Variants in CHD8 observed in about 807,000 individuals in gnomAD.
CHD8 encodes the protein chromodomain helicase DNA binding protein 8, also known as ATP-dependent chromatin remodeler CHD8.
A neutral mutation model predicts 279.2 loss-of-function variants in CHD8; 31 were observed. The observed-to-expected ratio is 0.11, with a 90% CI of 0.08 to 0.15. CHD8 has a LOEUF of 0.15. CHD8 is among the 10% of genes least tolerant of loss of function. The pLI, the probability that CHD8 is intolerant of heterozygous loss-of-function variation, is 1.00. For synonymous variants in CHD8, 1,081 were observed against 1,139.6 expected, an observed-to-expected ratio of 0.95 and a Z score of 1.04; for missense variants, 2,146 against 3,230.5, an observed-to-expected ratio of 0.66 and a Z score of 8.14.
rs34063784 is a variant in CHD8 at position 21,387,809 on chromosome 14, C to CAA, written c.7183-1635_7183-1634dup. The stretch of plus-strand genomic sequence containing the variant: ...TTACAGAACGAGACTCTGTCTCAAG[C>CAA]AAAAAAAAAAAAAAAAAAAAGAATT... On this transcript the variant is annotated intron_variant, in intron 37 of 37. Coordinates refer to ENST00000646647, the MANE Select transcript of CHD8 (RefSeq NM_001170629.2). Among the ~76,000 whole-genome samples, 312 of 76,132 alleles carry CAA rather than the reference C, an allele frequency of 4.1e-3. 5 individuals carry two copies. The highest frequency in any genetic ancestry group is 0.014 in the African/African-American group (293 of 20,798). 49.9% of individuals were successfully genotyped at this position (76,132 alleles called of 152,430 possible). A position where few individuals can be genotyped will look rare whatever the true frequency, so the allele number is the denominator to read the frequency against.
At chr14:21,452,606 T>C (rs1402389478) in intron 1 of CHD8, among the ~76,000 whole-genome samples, 1 of 151,708 alleles carries the variant, frequency 6.6e-6, no homozygotes, top group Non-Finnish European at 1.5e-5. Flanking sequence ...ATCGCGCCAC[T>C]GCGCTCCAGC....
Position 21,401,996 on chromosome 14 carries a change from G to A in CHD8, c.4023C>T (p.Ile1341=). The A allele has an allele frequency of 6.2e-7, 1 of 1,613,500 alleles. No individual in the cohort carries two copies. The highest frequency in any genetic ancestry group is 8.5e-7 in the Non-Finnish European group (1 of 1,179,770). ...AACCTTTTCCTTCAGATTCAATGGT[G>A]ATGGTTGTAGTTCGTCTTAACAAGA... ...DQILLRRTTT[I]TIESEGKGST... Residue 1341 remains isoleucine (I), a synonymous_variant, in exon 20 of 38, where the codon ATC becomes ATT. Coordinates refer to ENST00000646647, the MANE Select transcript of CHD8 (RefSeq NM_001170629.2).
At chr14:21,406,010 A>C in intron 14 of CHD8, 146 bp from the exon 15 acceptor site, 1 of 546,680 alleles carries the variant, frequency 1.8e-6, no homozygotes, top group East Asian at 3.3e-5. Context: ...CTGGTCCATT[A>C]ATTTTTCTTC....
intron 1 of CHD8, 66 bp from the exon 2 acceptor site, chr14:21,431,924 C>G: frequency 9.9e-7 from 1 of 1,010,288 alleles, no homozygotes; most frequent in Non-Finnish European, 1.6e-6. Flanking sequence ...AAAATTTTCC[C>G]TTCTTACGTA....
intron 26 of CHD8, chr14:21,399,043 A>T (rs1164316600): frequency 2.5e-6 from 1 of 394,628 alleles, no homozygotes; most frequent in Non-Finnish European, 5.1e-6. Flanking sequence ...CCACCTGACC[A>T]GCAGCATCTG....
rs892976817 is a variant in CHD8 at position 21,403,963 on chromosome 14, G to A, written c.3308-300C>T. ...ACAATACAAAAATTAGCCAGGTGTG[G>A]TGGCGGAGGCCTGTAGTTCCAGCTA... On this transcript the variant is annotated intron_variant, in intron 16 of 37. Transcript: ENST00000646647. The surrounding 1 kb of genome is among the most constrained non-coding windows in gnomAD (Gnocchi z 4.3). 5.3e-5 allele frequency among the ~76,000 whole-genome samples: 8 copies of A among 152,112 alleles called. No individual in the cohort carries two copies. The highest frequency in any genetic ancestry group is 3.9e-4 in the Admixed American group (6 of 15,268).
At chr14:21,393,041 C>A in intron 33 of CHD8, 65 bp downstream of exon 33, 1 of 1,512,684 alleles carries the variant, frequency 6.6e-7, no homozygotes, top group South Asian at 1.2e-5. Context: ...GTTCCTTTTT[C>A]CCCGGATATA....
Position 21,408,468 on chromosome 14 carries a change from G to C in CHD8, c.2574C>G (p.Ile858Met). The C allele has an allele frequency of 1.2e-6, 2 of 1,613,898 alleles. No individual in the cohort carries two copies. Among genetic ancestry groups the C allele is most frequent in the Non-Finnish European group, 1.7e-6 (2 of 1,179,870 alleles). ...AFLQEVYNVG[I>M]HGPFLVIAPL... Reference sequence around the variant, plus strand: ...GGGCAATGACCAAGAAGGGACCATGGATGCCCACATTATATACTTCCTGCA... The same window carrying C: ...GGGCAATGACCAAGAAGGGACCATGCATGCCCACATTATATACTTCCTGCA... The change falls in exon 13 of 38, where the codon ATC becomes ATG. Residue 858 changes from isoleucine (I) to methionine (M), a missense_variant. Ile to Met is a conservative substitution (Grantham distance 10, BLOSUM62 1). This residue lies in a region of CHD8 where 211 missense variants were observed against 464.7 expected (regional missense o/e 0.45). Coordinates refer to ENST00000646647, the MANE Select transcript of CHD8 (RefSeq NM_001170629.2). The surrounding 1 kb of genome is among the most constrained non-coding windows in gnomAD (Gnocchi z 4.3).
At position 21,386,096 on chromosome 14, in the gene CHD8, C is replaced by T. The variant is rs1476094764; in HGVS notation, c.7263G>A (p.Arg2421=). The stretch of plus-strand genomic sequence containing the variant: ...TCATCTTAGAAAGGTCTGGTCGCAT[C>T]CTACGGGCCCGCTTCTTGCTGCTCT... ...APESSKKRAR[R]MRPDLSKMMA... is the part of the protein sequence containing the mutation. Residue 2421 remains arginine (R), a synonymous_variant, in exon 38 of 38, where the codon AGG becomes AGA. Transcript: ENST00000646647. 3.2e-6 allele frequency: 5 copies of T among 1,561,240 alleles called. No individual in the cohort carries two copies. The Admixed American group carries it at 7.7e-5, about 24-fold the overall frequency.
rs559681631 is a variant in CHD8 at position 21,438,512 on chromosome 14, TAAAAA to T, written c.-215-6659_-215-6655del. ...CATTACATAGTAACACCTAGTCTCT[TAAAAA>T]AAAAAAAAAAAAAAGAAAGAAAGAA... On this transcript the variant is annotated intron_variant, in intron 1 of 37. Coordinates refer to ENST00000646647, the MANE Select transcript of CHD8 (RefSeq NM_001170629.2). Among the ~76,000 whole-genome samples, 16 of 112,504 alleles carry T rather than the reference TAAAAA, an allele frequency of 1.4e-4. No individual in the cohort carries two copies. In the South Asian group the frequency reaches 2.8e-3, roughly 19 times the overall value. The allele number at this position is 112,504 out of a possible 152,430, so 73.8% of individuals were successfully genotyped here. A position where few individuals can be genotyped will look rare whatever the true frequency, so the allele number is the denominator to read the frequency against.
At position 21,393,095 on chromosome 14, in the gene CHD8, CTGTT is replaced by C. The variant is rs1255092574; in HGVS notation, c.6468+7_6468+10del. 3.7e-6 allele frequency: 6 copies of C among 1,612,662 alleles called. No homozygotes were observed. Among genetic ancestry groups the C allele is most frequent in the Admixed American group, 3.3e-5 (2 of 59,896 alleles). ...GGACTCTACATGTCCAGGGATGAGGCTGTTTGTTACCTTGGGCCACTCAGAGGCT... is the reference window on the plus strand; with the variant it reads ...GGACTCTACATGTCCAGGGATGAGGCTGTTACCTTGGGCCACTCAGAGGCT... On this transcript the variant is annotated splice_region_variant and intron_variant, in intron 33 of 37. Coordinates refer to ENST00000646647, the MANE Select transcript of CHD8 (RefSeq NM_001170629.2).
chr14:21,401,981 T>C lies in CHD8; in HGVS notation c.4038A>G (p.Glu1346=). ...RRTTTITIES[E]GKGSTFAKAS... ...CCTTAGCAAAGGTGGAACCTTTTCC[T>C]TCAGATTCAATGGTGATGGTTGTAG... Residue 1346 remains glutamate, a synonymous_variant, in exon 20 of 38, where the codon GAA becomes GAG. Coordinates refer to ENST00000646647, the MANE Select transcript of CHD8 (RefSeq NM_001170629.2). The C allele has an allele frequency of 6.2e-7, 1 of 1,613,068 alleles. No individual in the cohort carries two copies. Among genetic ancestry groups the C allele is most frequent in the Non-Finnish European group, 8.5e-7 (1 of 1,179,690 alleles).
chr14:21,447,647 C>T (rs1463648210), intron 1 of CHD8, among the ~76,000 whole-genome samples: 2 of 152,144 alleles, frequency 1.3e-5, no homozygotes, highest in Admixed American at 6.5e-5. Context: ...GCTAGGATTA[C>T]AGGCGTGAGC....
chr14:21,434,311 G>A (rs1248120649), intron 1 of CHD8, among the ~76,000 whole-genome samples: 2 of 152,144 alleles, frequency 1.3e-5, no homozygotes, highest in Non-Finnish European at 2.9e-5. Context: ...CTCCCAAAGT[G>A]CTGGGATTAT....
At chr14:21,394,225 C>A (rs1887673266) in intron 31 of CHD8, 30 bp from the exon 32 acceptor site, 1 of 1,611,006 alleles carries the variant, frequency 6.2e-7, no homozygotes, top group East Asian at 2.2e-5. Context: ...AAGAAATTAA[C>A]AGAGTTGCTT....
chr14:21,401,313 A>T (rs557200117), intron 21 of CHD8, 90 bp downstream of exon 21: 62 of 830,320 alleles, frequency 7.5e-5, no homozygotes, highest in Non-Finnish European at 8.0e-5. Context: ...CATAAATCAC[A>T]ATTAGCATCA....
intron 11 of CHD8, 83 bp downstream of exon 11, chr14:21,409,768 C>T: frequency 7.3e-7 from 1 of 1,361,840 alleles, no homozygotes; most frequent in East Asian, 2.3e-5. Context: ...TAATAAAAAG[C>T]TAAAACAACA....
Position 21,428,109 on chromosome 14 carries a change from T to A in CHD8, c.1361A>T (p.His454Leu). The A allele has an allele frequency of 6.2e-7, 1 of 1,614,000 alleles. No homozygotes were observed. Among genetic ancestry groups the A allele is most frequent in the Non-Finnish European group, 8.5e-7 (1 of 1,179,896 alleles). ...ATTTGCTTTCTCTTGCTTCTTCTGG[T>A]GTTCCAATCTGCGGTTTTCCTCCAT... ...TGMEENRRLE[H>L]QKKQEKANRI... The change falls in exon 4 of 38, where the codon CAC becomes CTC. Residue 454 changes from histidine to leucine, a missense_variant. Physicochemically the swap from His to Leu is moderately conservative, Grantham distance 99 (BLOSUM62 -3). Coordinates refer to ENST00000646647, the MANE Select transcript of CHD8 (RefSeq NM_001170629.2).
At position 21,400,916 on chromosome 14, in the gene CHD8, G is replaced by A. The variant is rs767607346; in HGVS notation, c.4329C>T (p.Arg1443=). The change falls in exon 22 of 38, where the codon CGC becomes CGT. Residue 1443 remains arginine, a synonymous_variant. Transcript: ENST00000646647. This position sits in a 1 kb window ranked among gnomAD's most constrained non-coding sequence, Gnocchi z 4.2. ...RRHDRHHAYG[R]TDCFRVEKHL... The stretch of plus-strand genomic sequence containing the variant: ...GCTTTTCCACCCGAAAGCAGTCAGT[G>A]CGCCCATAGGCATGATGACGGTCAT... 1 of 1,613,466 alleles carries A rather than the reference G, an allele frequency of 6.2e-7. No individual in the cohort carries two copies. Among genetic ancestry groups the A allele is most frequent in the South Asian group, 1.1e-5 (1 of 90,998 alleles).
Sources: allele counts gnomAD v4.1 joint callset (sites outside exome capture counted in the v4.1 genomes callset), GRCh38; gene constraint gnomAD v4.1.1; regional missense constraint gnomAD v4.1.1; non-coding constraint Gnocchi (gnomAD v3.1); transcripts MANE v1.5; gene names NCBI Gene and HGNC (gene_info 2026-07-23, HGNC 2026-07-21).